The following ABCF1 variants were observed in gnomAD, a reference collection of about 807,000 sequenced individuals.
ABCF1 encodes the protein ATP-binding cassette sub-family F member 1.
Under a neutral mutation model 126.3 loss-of-function variants are expected in ABCF1, and 73 were observed. The ratio of observed to expected loss-of-function variants is 0.58; its 90% CI spans 0.48 to 0.70. ABCF1 has a LOEUF of 0.70. Ranked by LOEUF, ABCF1 falls within the 30% of genes least tolerant of loss-of-function variation. The pLI is 0.00. For missense variants in ABCF1, 786 were observed against 1,057.5 expected (o/e 0.74, Z 3.56); for synonymous variants, 345 against 396.4 (o/e 0.87, Z 1.54).
intron 8 of ABCF1, among the ~76,000 whole-genome samples, chr6:30,580,786 G>A (rs1801777795): frequency 6.6e-6 from 1 of 152,080 alleles, no homozygotes; most frequent in South Asian, 2.1e-4. Context: ...AGATTCTCCT[G>A]CCTCAGCCTA....
At chr6:30,576,585 G>A (rs1801515069) in intron 1 of ABCF1, among the ~76,000 whole-genome samples, 1 of 151,852 alleles carries the variant, frequency 6.6e-6, no homozygotes, top group African/African-American at 2.4e-5. Context: ...CACCGCGCCC[G>A]GCCGGGTGCT....
In ABCF1 at chr6:30,586,104, A is replaced by G. The variant is rs545302146; in HGVS notation, c.1714-30A>G. Reference sequence around the variant, plus strand: ...TTTCAAGGACTGCCGCGCAGGGCTCAGGTTTCTCTTTTTTCCTCTTCCTCT... The same window carrying G: ...TTTCAAGGACTGCCGCGCAGGGCTCGGGTTTCTCTTTTTTCCTCTTCCTCT... On this transcript the variant is annotated intron_variant, in intron 17 of 24. Transcript: ENST00000326195. This position sits in a 1 kb window ranked among gnomAD's most constrained non-coding sequence, Gnocchi z 4.9. 6.2e-7 allele frequency: 1 copy of G among 1,606,494 alleles called. No homozygotes were observed. Among genetic ancestry groups the G allele is most frequent in the Admixed American group, 1.7e-5 (1 of 57,962 alleles).
intron 8 of ABCF1, among the ~76,000 whole-genome samples, 190 bp from the exon 9 acceptor site, chr6:30,582,204 C>T (rs1488207815): frequency 6.6e-6 from 1 of 151,994 alleles, no homozygotes. Context: ...CTACAGGCGC[C>T]CGCCACCACG....
At position 30,584,623 on chromosome 6, in the gene ABCF1, C is replaced by T. The variant is rs915186415; in HGVS notation, c.1391+57C>T. 1.3e-6 allele frequency: 2 copies of T among 1,524,208 alleles called. No homozygotes were observed. The highest frequency in any genetic ancestry group is 1.4e-5 in the African/African-American group (1 of 72,640). 94.4% of individuals were successfully genotyped at this position (1,524,208 alleles called of 1,614,324 possible). On this transcript the variant is annotated intron_variant, in intron 14 of 24. Transcript: ENST00000326195. This position sits in a 1 kb window ranked among gnomAD's most constrained non-coding sequence, Gnocchi z 4.6. ...AGCCTCAGACCACCGGGGCCCTTTT[C>T]CTCTTTCCCTTCTCATTCTTCCAAG...
chr6:30,578,665 T>G, intron 6 of ABCF1, 88 bp downstream of exon 6: 81 of 1,149,154 alleles, frequency 7.0e-5, no homozygotes, highest in Non-Finnish European at 8.9e-5. Flanking sequence ...AAACTAGCTC[T>G]TCTCGGTCTG....
At chr6:30,585,161 G>C in intron 14 of ABCF1, 99 bp from the exon 15 acceptor site, 1 of 1,073,140 alleles carries the variant, frequency 9.3e-7, no homozygotes, top group Non-Finnish European at 1.4e-6. Flanking sequence ...TTGGGAAGGA[G>C]TGTTCATGGT....
At chr6:30,581,548 C>A (rs1012924653) in intron 8 of ABCF1, among the ~76,000 whole-genome samples, 7 of 151,894 alleles carry the variant, frequency 4.6e-5, no homozygotes, top group Non-Finnish European at 1.0e-4. Context: ...GGACTACAGG[C>A]ACGTGCCACC....
At position 30,590,928 on chromosome 6, in the gene ABCF1, T is replaced by C. The variant is rs2127420693; in HGVS notation, c.*227T>C. ...TCTCTTCATATAACTGAGCTGGCCT[T>C]ATCCTTGGCATCCCCCTAAACAAAC... is the stretch of plus-strand genomic sequence containing the variant. On this transcript the variant is annotated 3_prime_UTR_variant, in exon 25 of 25. Coordinates refer to ENST00000326195, the MANE Select transcript of ABCF1 (RefSeq NM_001025091.2). 2.0e-6 allele frequency: 1 copy of C among 495,390 alleles called. No individual in the cohort carries two copies. The highest frequency in any genetic ancestry group is 3.2e-5 in the East Asian group (1 of 30,872). 30.7% of individuals were successfully genotyped at this position (495,390 alleles called of 1,614,324 possible).
intron 16 of ABCF1, 73 bp from the exon 17 acceptor site, chr6:30,585,806 C>T (rs1190401873): frequency 2.6e-6 from 4 of 1,556,894 alleles, no homozygotes; most frequent in Non-Finnish European, 3.5e-6. Context: ...TACCCCATCA[C>T]CACCAGTCCC....
In ABCF1 at chr6:30,571,622, T is replaced by G. The variant is rs528535182; in HGVS notation, c.73+62T>G. On this transcript the variant is annotated intron_variant, in intron 1 of 24. Coordinates refer to ENST00000326195, the MANE Select transcript of ABCF1 (RefSeq NM_001025091.2). ...GGAAGAGAGAGGAGACTGCGCGTGT[T>G]TTAAGAGAGGGTCATGGGGCACGAG... 1,100 of 1,544,246 alleles carry G rather than the reference T, an allele frequency of 7.1e-4. 4 individuals carry two copies. Among genetic ancestry groups the G allele is most frequent in the Middle Eastern group, 6.7e-3 (29 of 4,324 alleles).
chr6:30,578,189 T>TGA lies in ABCF1; in HGVS notation c.332_333dup (p.Glu112ArgfsTer25), dbSNP rs1801610445. 6.2e-7 allele frequency: 1 copy of TGA among 1,613,614 alleles called. No homozygotes were observed. The highest frequency in any genetic ancestry group is 1.7e-5 in the Admixed American group (1 of 59,902). On this transcript the variant is annotated frameshift_variant, in exon 4 of 25. Transcript: ENST00000326195. LOFTEE classifies it high-confidence loss of function. ...AGAAGCTCTCAGTGCCAACCAGTGA[T>TGA]GAGGAGGATGAAGGTAAATGACCTG... is the stretch of plus-strand genomic sequence containing the variant.
chr6:30,580,034 T>C (rs758664248), intron 7 of ABCF1, 29 bp downstream of exon 7: 6 of 1,606,686 alleles, frequency 3.7e-6, no homozygotes, highest in African/African-American at 1.3e-5. Context: ...GGAGGAGGTA[T>C]TGGGGCCCAG....
At position 30,583,194 on chromosome 6, in the gene ABCF1, G is replaced by T. The variant is rs1477665876; in HGVS notation, c.915+6G>T. ...AAAATGCATCTGACATCAAGGTAAG[G>T]TCTCAAGGGGCCCCTTCCAGTCCAC... On this transcript the variant is annotated splice_donor_region_variant and intron_variant, in intron 10 of 24. Coordinates refer to ENST00000326195, the MANE Select transcript of ABCF1 (RefSeq NM_001025091.2). This position sits in a 1 kb window ranked among gnomAD's most constrained non-coding sequence, Gnocchi z 4.1. The T allele has an allele frequency of 6.2e-7, 1 of 1,601,038 alleles. No homozygotes were observed. Among genetic ancestry groups the T allele is most frequent in the Non-Finnish European group, 8.5e-7 (1 of 1,170,320 alleles).
Position 30,591,072 on chromosome 6 carries a change from G to A in ABCF1, c.*371G>A. ...TTACCCTACAGCTTCAGGCCCAGCT[G>A]CCCCCCAGTCTTTGGGTGGTGCTGT... is the stretch of plus-strand genomic sequence containing the variant. On this transcript the variant is annotated 3_prime_UTR_variant, in exon 25 of 25. Transcript: ENST00000326195. 1 of 215,560 alleles carries A rather than the reference G, an allele frequency of 4.6e-6. No individual in the cohort carries two copies. The highest frequency in any genetic ancestry group is 9.1e-6 in the Non-Finnish European group (1 of 110,228). 13.4% of individuals were successfully genotyped at this position (215,560 alleles called of 1,614,324 possible). A position where few individuals can be genotyped will look rare whatever the true frequency, so the allele number is the denominator to read the frequency against.
chr6:30,585,964 G>A lies in ABCF1; in HGVS notation c.1686G>A (p.Lys562=). The change falls in exon 17 of 25, where the codon AAG becomes AAA. Residue 562 remains lysine (K), a synonymous_variant. Coordinates refer to ENST00000326195, the MANE Select transcript of ABCF1 (RefSeq NM_001025091.2). ...EKQEKKLKEL[K]AGGKSTKQAE... ...AAGAGAAAAAGCTGAAGGAGCTGAA[G>A]GCAGGCGGGAAGTCCACCAAGCAGG... The A allele has an allele frequency of 1.9e-6, 3 of 1,610,792 alleles. No individual in the cohort carries two copies. The highest frequency in any genetic ancestry group is 1.7e-5 in the Admixed American group (1 of 59,602).
intron 6 of ABCF1, among the ~76,000 whole-genome samples, chr6:30,579,455 AT>A (rs9281009): frequency 0.028 from 3,116 of 112,078 alleles, 53 homozygotes; most frequent in African/African-American, 0.073. Flanking sequence ...AGTTGGAACT[AT>A]TTTTTTTTTT....
intron 20 of ABCF1, among the ~76,000 whole-genome samples, chr6:30,587,891 TA>T (rs148620142): frequency 0.14 from 20,475 of 147,900 alleles, 1,809 homozygotes; most frequent in Non-Finnish European, 0.17. Flanking sequence ...AATCTGGAGA[TA>T]ACCAGTTTTT....
rs1801906099 is a variant in ABCF1, at chr6:30,583,008, A to G, written c.793-58A>G. 40 of 1,574,102 alleles carry G rather than the reference A, an allele frequency of 2.5e-5. No individual in the cohort carries two copies. In the South Asian group the frequency reaches 2.6e-4, roughly 10 times the overall value. On this transcript the variant is annotated intron_variant, in intron 9 of 24. Transcript: ENST00000326195. This position sits in a 1 kb window ranked among gnomAD's most constrained non-coding sequence, Gnocchi z 4.1. ...ATGCCCAGCCAGCATGGGCTGTTTC[A>G]TGGTGATGGGAAACTGGTAGACTGT...
At chr6:30,580,920 C>T (rs1248292505) in intron 8 of ABCF1, among the ~76,000 whole-genome samples, 1 of 152,118 alleles carries the variant, frequency 6.6e-6, no homozygotes, top group East Asian at 1.9e-4. Flanking sequence ...AAGCAGTCCT[C>T]CTGCCTCAGC....
Sources: gnomAD v4.1 joint callset for allele counts (sites outside exome capture counted in the v4.1 genomes callset) on GRCh38, gnomAD v4.1.1 for gene constraint, Gnocchi (gnomAD v3.1) non-coding constraint, MANE v1.5 for transcripts, NCBI Gene and HGNC (gene_info 2026-07-23, HGNC 2026-07-21) for gene names.